Variants in TBXAS1 observed in about 807,000 individuals in gnomAD.
TBXAS1 encodes thromboxane-A synthase.
A neutral mutation model predicts 60.7 loss-of-function variants in TBXAS1; 48 were observed. The observed-to-expected ratio is 0.79, with a 90% CI of 0.63 to 1.01. The LOEUF (loss-of-function observed/expected upper bound fraction) is 1.01. Ranked by LOEUF, TBXAS1 falls within the 50% of genes least tolerant of loss-of-function variation. The probability of loss-of-function intolerance (pLI) is 0.00; values close to 1 mark genes in which losing one functional copy is unlikely to be tolerated. For missense variants in TBXAS1, 685 were observed against 686.3 expected (o/e 1.00, Z 0.02); for synonymous variants, 287 against 269.7 (o/e 1.06, Z -0.63).
At chr7:139,839,453 T>C (rs1283136308) in intron 1 of TBXAS1, among the ~76,000 whole-genome samples, 2 of 152,050 alleles carry the variant, frequency 1.3e-5, no homozygotes, top group Non-Finnish European at 2.9e-5. Context: ...TAGGCAAGTA[T>C]GTGAACACAG....
At chr7:139,958,830 G>A (rs558608707) in intron 8 of TBXAS1, among the ~76,000 whole-genome samples, 265 of 152,356 alleles carry the variant, frequency 1.7e-3, no homozygotes, top group Admixed American at 5.4e-3. Flanking sequence ...TTGGAGGTGC[G>A]GGAAGAAGCA....
chr7:139,972,508 T>A (rs1811278083), intron 9 of TBXAS1, among the ~76,000 whole-genome samples: 1 of 152,098 alleles, frequency 6.6e-6, no homozygotes, highest in African/African-American at 2.4e-5. Context: ...AAAGAATGGG[T>A]TTTATTCCCA....
chr7:139,999,896 T>G lies in TBXAS1; in HGVS notation c.1135-7195T>G, dbSNP rs1813545531. On this transcript the variant is annotated intron_variant, in intron 9 of 12. Transcript: ENST00000448866. The surrounding 1 kb of genome is among the most constrained non-coding windows in gnomAD (Gnocchi z 4.3). ...TTCCTTTAACAACATAGAAAAATGA[T>G]AATTTTTCTATTAGGTCCGTGAATC... 6.6e-6 allele frequency among the ~76,000 whole-genome samples: 1 copy of G among 152,322 alleles called. No individual in the cohort carries two copies. Among genetic ancestry groups the G allele is most frequent in the Admixed American group, 6.5e-5 (1 of 15,306 alleles).
chr7:140,015,898 T>C, intron 11 of TBXAS1, 38 bp downstream of exon 11: 1 of 1,612,248 alleles, frequency 6.2e-7, no homozygotes, highest in Non-Finnish European at 8.5e-7. Flanking sequence ...TGAAGGGATG[T>C]GAGTGTGTGG....
chr7:139,950,844 C>T (rs1338240213), intron 5 of TBXAS1, among the ~76,000 whole-genome samples: 1 of 125,944 alleles, frequency 7.9e-6, no homozygotes, highest in Non-Finnish European at 1.7e-5. Flanking sequence ...CCTCCATCTA[C>T]GGGACCCCCT....
At chr7:139,957,507 C>T (rs1809958108) in intron 7 of TBXAS1, 127 bp from the exon 8 acceptor site, 3 of 1,201,078 alleles carry the variant, frequency 2.5e-6, no homozygotes, top group Non-Finnish European at 3.7e-6. Flanking sequence ...AGCAGTGCGG[C>T]GGGGAGGGCA....
At chr7:139,889,679 G>T (rs150633428) in intron 3 of TBXAS1, among the ~76,000 whole-genome samples, 10 of 152,306 alleles carry the variant, frequency 6.6e-5, no homozygotes, top group African/African-American at 2.4e-4. Context: ...CATAGATGGT[G>T]CCTTCTCACT....
intron 9 of TBXAS1, among the ~76,000 whole-genome samples, chr7:139,992,637 C>T (rs1372924301): frequency 2.0e-5 from 3 of 152,348 alleles, no homozygotes; most frequent in Non-Finnish European, 4.4e-5. Flanking sequence ...CCAGCTCTCC[C>T]ACCATCTGCC....
intron 4 of TBXAS1, among the ~76,000 whole-genome samples, chr7:139,933,178 A>G (rs1807471339): frequency 6.6e-6 from 1 of 152,228 alleles, no homozygotes; most frequent in Non-Finnish European, 1.5e-5. Flanking sequence ...GCACAGTGTC[A>G]TGGCATGCTG....
At chr7:140,001,566 T>C (rs1233539666) in intron 9 of TBXAS1, among the ~76,000 whole-genome samples, 1 of 152,200 alleles carries the variant, frequency 6.6e-6, no homozygotes, top group Non-Finnish European at 1.5e-5. Flanking sequence ...TATTTTTCTA[T>C]TTTGAGTAGA....
At chr7:140,002,929 G>A (rs1813775017) in intron 9 of TBXAS1, among the ~76,000 whole-genome samples, 1 of 151,984 alleles carries the variant, frequency 6.6e-6, no homozygotes, top group Admixed American at 6.5e-5. Context: ...TTCGAGACCA[G>A]CCTGACCAAC....
chr7:139,984,806 GA>G (rs1450301150), intron 9 of TBXAS1, among the ~76,000 whole-genome samples: 1 of 135,656 alleles, frequency 7.4e-6, no homozygotes, highest in South Asian at 2.4e-4. Context: ...AGGGAAGGGG[GA>G]AAGAAAGAAA....
At chr7:139,952,652 C>G (rs1472707782) in intron 5 of TBXAS1, 2 of 1,537,066 alleles carry the variant, frequency 1.3e-6, no homozygotes, top group Non-Finnish European at 8.7e-7. Context: ...CGAGTGGTAT[C>G]TATGTGAATC....
intron 3 of TBXAS1, chr7:139,875,893 G>C (rs1802196161): frequency 9.3e-6 from 5 of 537,752 alleles, no homozygotes; most frequent in Admixed American, 3.1e-5. Context: ...AGCCTTGCTG[G>C]GCTGGGCACA....
At chr7:139,841,961 T>TA (rs1164809822) in intron 1 of TBXAS1, among the ~76,000 whole-genome samples, 2 of 152,232 alleles carry the variant, frequency 1.3e-5, no homozygotes, top group East Asian at 1.9e-4. Context: ...TGATTTTTTT[T>TA]AAAAAACAGT....
At chr7:139,795,859 C>A (rs568830144) in intron 4 of TBXAS1, among the ~76,000 whole-genome samples, 1 of 152,222 alleles carries the variant, frequency 6.6e-6, no homozygotes, top group African/African-American at 2.4e-5. Context: ...TGTTTTCAGG[C>A]CAAGCCCTAC....
intron 1 of TBXAS1, among the ~76,000 whole-genome samples, chr7:139,859,778 A>G (rs1800837931): frequency 6.6e-6 from 1 of 152,206 alleles, no homozygotes; most frequent in East Asian, 1.9e-4. Context: ...AAGTTAGTTA[A>G]CTCTCTGAAT....
chr7:140,017,749 G>C lies in TBXAS1; in HGVS notation c.1443G>C (p.Gly481=). The C allele has an allele frequency of 6.2e-7, 1 of 1,614,106 alleles. No individual in the cohort carries two copies. Among genetic ancestry groups the C allele is most frequent in the Non-Finnish European group, 8.5e-7 (1 of 1,179,972 alleles). Reference sequence around the variant, plus strand: ...GGGCCGGCCCACGGAGCTGCCTCGGGGTGCGTCTAGGGCTGCTTGAGGTCA... The same window carrying C: ...GGGCCGGCCCACGGAGCTGCCTCGGCGTGCGTCTAGGGCTGCTTGAGGTCA... ...PFGAGPRSCL[G]VRLGLLEVKL... is the part of the protein sequence containing the mutation. Residue 481 remains glycine, a synonymous_variant, in exon 12 of 13, where the codon GGG becomes GGC. Coordinates refer to ENST00000448866, the MANE Select transcript of TBXAS1 (RefSeq NM_001061.7).
intron 3 of TBXAS1, among the ~76,000 whole-genome samples, chr7:139,878,625 G>A (rs1802447926): frequency 1.3e-5 from 2 of 152,186 alleles, no homozygotes; most frequent in African/African-American, 4.8e-5. Flanking sequence ...AATCTAAATC[G>A]AATGTCTTTT....
Sources: gnomAD v4.1 joint callset for allele counts (sites outside exome capture counted in the v4.1 genomes callset) on GRCh38, gnomAD v4.1.1 for gene constraint, Gnocchi (gnomAD v3.1) non-coding constraint, MANE v1.5 for transcripts, NCBI Gene and HGNC (gene_info 2026-07-23, HGNC 2026-07-21) for gene names.